ZNF605: variants seen among roughly 807,000 people sequenced by gnomAD.
ZNF605 encodes zinc finger protein 605.
A neutral mutation model predicts 7.9 loss-of-function variants in ZNF605; 9 were observed. The observed-to-expected ratio is 1.14, with a 90% CI of 0.68 to 1.98. ZNF605 has a LOEUF of 1.98. ZNF605 is among the 30% of genes most tolerant of loss of function. The pLI is 0.00. For synonymous variants in ZNF605, 255 were observed against 260.1 expected (o/e 0.98, Z 0.19); for missense variants, 673 against 762.4 (o/e 0.88, Z 1.38).
At chr12:132,948,970 G>A (rs1490147599) in intron 1 of ZNF605, among the ~76,000 whole-genome samples, 1 of 152,344 alleles carries the variant, frequency 6.6e-6, no homozygotes, top group East Asian at 1.9e-4. Flanking sequence ...GGCACCTGCA[G>A]GGAGCAGGAG....
At chr12:132,928,511 C>G (rs892710024) in intron 4 of ZNF605, among the ~76,000 whole-genome samples, 23 of 152,276 alleles carry the variant, frequency 1.5e-4, no homozygotes, top group African/African-American at 5.1e-4. Context: ...CTGGAAATTA[C>G]TCCTAACCAC....
chr12:132,954,123 T>C (rs912514947), intron 1 of ZNF605, among the ~76,000 whole-genome samples: 4 of 151,470 alleles, frequency 2.6e-5, no homozygotes, highest in Non-Finnish European at 5.9e-5. Context: ...CATTCCTACG[T>C]CACACCATAG....
chr12:132,929,044 CAAA>C (rs140441684), intron 4 of ZNF605, among the ~76,000 whole-genome samples: 15 of 151,078 alleles, frequency 9.9e-5, no homozygotes, highest in Admixed American at 4.6e-4. Context: ...CAAAACAAAA[CAAA>C]AAAACCCCAA....
rs1220577443 is a variant in ZNF605 at position 132,926,544 on chromosome 12, G to A, written c.755C>T (p.Pro252Leu). 4.3e-6 allele frequency: 7 copies of A among 1,614,002 alleles called. No individual in the cohort carries two copies. The highest frequency in any genetic ancestry group is 1.1e-5 in the South Asian group (1 of 91,088). Residue 252 changes from proline to leucine, a missense_variant, in exon 5 of 5, where the codon CCG becomes CTG. Physicochemically the swap from Pro to Leu is moderately conservative, Grantham distance 98. Transcript: ENST00000360187. ...TTTTCCACATTCACTGCATCCATACGGCTTCTCTCCAGTATGAATTCTCTG... is the reference window on the plus strand; with the variant it reads ...TTTTCCACATTCACTGCATCCATACAGCTTCTCTCCAGTATGAATTCTCTG... ...LHQRIHTGEK[P>L]YGCSECGKAF... is the part of the protein sequence containing the mutation.
At position 132,938,947 on chromosome 12, in the gene ZNF605, G is replaced by A. The variant is rs1350217869; in HGVS notation, c.16-5792C>T. Among the ~76,000 whole-genome samples, 185 of 152,124 alleles carry A rather than the reference G, an allele frequency of 1.2e-3. 1 individual carries two copies. The highest frequency in any genetic ancestry group is 3.3e-3 in the South Asian group (16 of 4,784). ...GGTCCCCCAGCAGTGCTGGCCCACCGGCGCTGCGCTCGATTTCTCACCGAG... is the reference window on the plus strand; with the variant it reads ...GGTCCCCCAGCAGTGCTGGCCCACCAGCGCTGCGCTCGATTTCTCACCGAG... On this transcript the variant is annotated intron_variant, in intron 3 of 4. Transcript: ENST00000360187.
At position 132,925,703 on chromosome 12, in the gene ZNF605, G is replaced by C; in HGVS notation, c.1596C>G (p.Pro532=). ...CTTTCCCACATTCACTGCATTCATA[G>C]GGTTTCTCCCCTGTATGAATTCTCT... ...RHQRIHTGEK[P]YECSECGKAF... is the part of the protein sequence containing the mutation. Residue 532 remains proline, a synonymous_variant, in exon 5 of 5, where the codon CCC becomes CCG. Transcript: ENST00000360187. 1 of 1,614,110 alleles carries C rather than the reference G, an allele frequency of 6.2e-7. No individual in the cohort carries two copies. The highest frequency in any genetic ancestry group is 1.1e-5 in the South Asian group (1 of 91,076).
chr12:132,949,451 G>A (rs980273870), intron 1 of ZNF605, among the ~76,000 whole-genome samples: 38 of 152,260 alleles, frequency 2.5e-4, no homozygotes, highest in African/African-American at 9.1e-4. Context: ...TGCAGCCTCC[G>A]ATTTGCAATT....
At chr12:132,953,023 C>T (rs1952588773) in intron 1 of ZNF605, among the ~76,000 whole-genome samples, 2 of 152,170 alleles carry the variant, frequency 1.3e-5, no homozygotes, top group African/African-American at 4.8e-5. Flanking sequence ...TGCCAACCTC[C>T]AGCATCCCAA....
rs759436098 is a variant in ZNF605 at position 132,925,691 on chromosome 12, A to G, written c.1608T>C (p.Ser536=). The part of the protein sequence containing the change: ...IHTGEKPYEC[S]ECGKAFVQKV... ...TCTGAACAAATGCTTTCCCACATTC[A>G]CTGCATTCATAGGGTTTCTCCCCTG... is the stretch of plus-strand genomic sequence containing the variant. The change falls in exon 5 of 5, where the codon AGT becomes AGC. Residue 536 remains serine (S), a synonymous_variant. Transcript: ENST00000360187. The G allele has an allele frequency of 6.2e-7, 1 of 1,614,172 alleles. No homozygotes were observed. The highest frequency in any genetic ancestry group is 1.1e-5 in the South Asian group (1 of 91,078).
In ZNF605 at chr12:132,921,114, A is replaced by C. The variant is rs117317462; in HGVS notation, c.*4259T>G. On this transcript the variant is annotated 3_prime_UTR_variant, in exon 5 of 5. Transcript: ENST00000360187. The stretch of plus-strand genomic sequence containing the variant: ...AGTGCTGGGATTACAGGCTTGCGTC[A>C]CTGCACCCAGCCTCTCATGGCTAAT... 6.6e-6 allele frequency: 1 copy of C among 151,964 alleles called. No individual in the cohort carries two copies. Among genetic ancestry groups the C allele is most frequent in the Non-Finnish European group, 1.5e-5 (1 of 68,044 alleles). 9.4% of individuals were successfully genotyped at this position (151,964 alleles called of 1,614,324 possible). A position where few individuals can be genotyped will look rare whatever the true frequency, so the allele number is the denominator to read the frequency against.
chr12:132,951,005 TACAG>T (rs1952557062), intron 1 of ZNF605, among the ~76,000 whole-genome samples: 1 of 144,248 alleles, frequency 6.9e-6, no homozygotes, highest in Non-Finnish European at 1.5e-5. Flanking sequence ...CGCAGACATG[TACAG>T]ACATACTGAT....
intron 1 of ZNF605, among the ~76,000 whole-genome samples, chr12:132,951,279 T>C (rs1429919426): frequency 1.4e-5 from 2 of 147,136 alleles, no homozygotes; most frequent in Non-Finnish European, 1.5e-5. Context: ...CACACACAGA[T>C]ACACGTACAC....
chr12:132,939,996 T>C (rs1279067598), intron 3 of ZNF605, among the ~76,000 whole-genome samples: 1 of 151,698 alleles, frequency 6.6e-6, no homozygotes, highest in Non-Finnish European at 1.5e-5. Flanking sequence ...CGAACACAGC[T>C]GAACATCAGA....
At chr12:132,940,957 T>C (rs1001291130) in intron 3 of ZNF605, among the ~76,000 whole-genome samples, 71 of 151,336 alleles carry the variant, frequency 4.7e-4, no homozygotes, top group African/African-American at 1.6e-3. Context: ...GTGTACCCAG[T>C]GTTTTGCTCC....
At chr12:132,937,307 C>T (rs989128841) in intron 3 of ZNF605, among the ~76,000 whole-genome samples, 8 of 143,274 alleles carry the variant, frequency 5.6e-5, no homozygotes, top group African/African-American at 1.6e-4. Flanking sequence ...TGCAGTGAGC[C>T]GAGATGGTGC....
At position 132,926,855 on chromosome 12, in the gene ZNF605, A is replaced by G; in HGVS notation, c.444T>C (p.Cys148=). Residue 148 remains cysteine, a synonymous_variant, in exon 5 of 5, where the codon TGT becomes TGC. Coordinates refer to ENST00000360187, the MANE Select transcript of ZNF605 (RefSeq NM_183238.4). Reference sequence around the variant, plus strand: ...ATGGCTCTTCGTTGCTGGATTTTCTACATGTACTGCAATCACAGTATTTTA... The same window carrying G: ...ATGGCTCTTCGTTGCTGGATTTTCTGCATGTACTGCAATCACAGTATTTTA... ...GGIKYCDCST[C]RKSSNEEPWL... The G allele has an allele frequency of 6.2e-7, 1 of 1,614,230 alleles. No individual in the cohort carries two copies. Among genetic ancestry groups the G allele is most frequent in the Non-Finnish European group, 8.5e-7 (1 of 1,180,052 alleles).
At chr12:132,956,177 GCAGA>G (rs1163697237) in intron 1 of ZNF605, 62 bp downstream of exon 1, 1 of 151,964 alleles carries the variant, frequency 6.6e-6, no homozygotes, top group Middle Eastern at 3.2e-3. Flanking sequence ...GATCCCCGGC[GCAGA>G]CACAGAGGCC....
chr12:132,940,505 T>C (rs1027827025), intron 3 of ZNF605, among the ~76,000 whole-genome samples: 1 of 152,078 alleles, frequency 6.6e-6, no homozygotes, highest in African/African-American at 2.4e-5. Flanking sequence ...TATGATGTGG[T>C]CCCCGGTCCT....
rs1224539793 is a variant in ZNF605, at chr12:132,941,787, GC to G, written c.15+3833del. On this transcript the variant is annotated intron_variant, in intron 3 of 4. Coordinates refer to ENST00000360187, the MANE Select transcript of ZNF605 (RefSeq NM_183238.4). This position sits in a 1 kb window ranked among gnomAD's most constrained non-coding sequence, Gnocchi z 5.1. The stretch of plus-strand genomic sequence containing the variant: ...TTCTCCGGGCTGCCCTCCGTCACGC[GC>G]CCTTTTCCAGGCTGCCCTCTGTCAC... 2.0e-5 allele frequency among the ~76,000 whole-genome samples: 3 copies of G among 150,162 alleles called. No homozygotes were observed. Among genetic ancestry groups the G allele is most frequent in the African/African-American group, 7.4e-5 (3 of 40,702 alleles).
Sources: gnomAD v4.1 joint callset for allele counts (sites outside exome capture counted in the v4.1 genomes callset) on GRCh38, gnomAD v4.1.1 for gene constraint, Gnocchi (gnomAD v3.1) non-coding constraint, MANE v1.5 for transcripts, NCBI Gene and HGNC (gene_info 2026-07-23, HGNC 2026-07-21) for gene names.